The following CEP350 variants were observed in gnomAD, a reference collection of about 807,000 sequenced individuals.
CEP350 encodes centrosome-associated protein 350.
CEP350 carries 126 observed loss-of-function variants against 331.8 expected under a neutral mutation model. That is an observed-to-expected ratio of 0.38 (90% CI 0.33 to 0.44). The LOEUF is 0.44. CEP350 is among the 20% of genes least tolerant of loss of function. The pLI, the probability that CEP350 is intolerant of heterozygous loss-of-function variation, is 1.00. For synonymous variants in CEP350, 1,200 were observed against 1,259.5 expected (o/e 0.95, Z 1.00); for missense variants, 3,406 against 3,634.6 (o/e 0.94, Z 1.62).
Position 180,094,326 on chromosome 1 carries a change from G to A in CEP350, c.8221G>A (p.Glu2741Lys). Residue 2741 changes from glutamate to lysine, a missense_variant, in exon 34 of 38, where the codon GAA becomes AAA. By Grantham distance (56) the Glu-to-Lys change is moderately conservative. Coordinates refer to ENST00000367607, the MANE Select transcript of CEP350 (RefSeq NM_014810.5). ...CCAGCTGAAGTCATCACTAAATGAG[G>A]AAAAAAAGTCAAAACAACAACTGGA... is the stretch of plus-strand genomic sequence containing the variant. ...EAQLKSSLNEEKKSKQQLEKI... is the reference protein window; with the variant it reads ...EAQLKSSLNEKKKSKQQLEKI... The A allele has an allele frequency of 1.9e-6, 3 of 1,613,758 alleles. No individual in the cohort carries two copies. Among genetic ancestry groups the A allele is most frequent in the Non-Finnish European group, 2.5e-6 (3 of 1,179,802 alleles).
At chr1:180,004,630 G>C (rs1435415539) in intron 7 of CEP350, among the ~76,000 whole-genome samples, 1 of 152,104 alleles carries the variant, frequency 6.6e-6, no homozygotes, top group Non-Finnish European at 1.5e-5. Flanking sequence ...ATAGGTGTTT[G>C]TCCCTATTTA....
Position 180,093,572 on chromosome 1 carries a change from T to C in CEP350, c.7467T>C (p.Pro2489=), listed in dbSNP as rs939619088. The part of the protein sequence containing the change: ...VTESPSLASV[P]TADELFDFHI... ...AATCCCCTTCCTTGGCTTCAGTTCC[T>C]ACTGCAGACGAGTTATTTGATTTCC... Residue 2489 remains proline (P), a synonymous_variant, in exon 34 of 38, where the codon CCT becomes CCC. Transcript: ENST00000367607. 5.6e-6 allele frequency: 9 copies of C among 1,614,006 alleles called. No homozygotes were observed. Among genetic ancestry groups the C allele is most frequent in the Middle Eastern group, 1.6e-4 (1 of 6,062 alleles).
At position 180,020,042 on chromosome 1, in the gene CEP350, A is replaced by G; in HGVS notation, c.2268A>G (p.Gly756=). 6 of 1,614,020 alleles carry G rather than the reference A, an allele frequency of 3.7e-6. No individual in the cohort carries two copies. Among genetic ancestry groups the G allele is most frequent in the Non-Finnish European group, 5.1e-6 (6 of 1,179,888 alleles). Residue 756 remains glycine, a synonymous_variant, in exon 12 of 38, where the codon GGA becomes GGG. Coordinates refer to ENST00000367607, the MANE Select transcript of CEP350 (RefSeq NM_014810.5). ...SQPQPFAGTA[G]SLLSHLLSLE... is the part of the protein sequence containing the mutation. ...CACAGCCTTTTGCTGGAACAGCTGG[A>G]AGTTTACTCTCCCATCTCTTGAGTT...
At chr1:180,081,972 C>T (rs1029131197) in intron 30 of CEP350, among the ~76,000 whole-genome samples, 5 of 152,064 alleles carry the variant, frequency 3.3e-5, no homozygotes, top group Non-Finnish European at 7.4e-5. Flanking sequence ...CTTTTATGTA[C>T]GTTGGTGAAA....
At chr1:180,063,305 C>G (rs1013317644) in intron 26 of CEP350, among the ~76,000 whole-genome samples, 9 of 150,676 alleles carry the variant, frequency 6.0e-5, no homozygotes, top group African/African-American at 2.2e-4. Flanking sequence ...AATCCTCTCA[C>G]CTCAGCCTCC....
chr1:179,990,422 A>G (rs1652972020), intron 3 of CEP350, 85 bp from the exon 4 acceptor site: 6 of 604,640 alleles, frequency 9.9e-6, no homozygotes, highest in Non-Finnish European at 1.7e-5. Context: ...ATTGGGCAAT[A>G]TACTTTTAAA....
intron 30 of CEP350, among the ~76,000 whole-genome samples, chr1:180,081,242 T>G (rs1659548874): frequency 6.6e-6 from 1 of 152,184 alleles, no homozygotes; most frequent in Non-Finnish European, 1.5e-5. Flanking sequence ...AAATTGTTAT[T>G]CTTTGGGTTT....
chr1:180,051,790 A>G (rs1657518166), intron 22 of CEP350, among the ~76,000 whole-genome samples: 1 of 152,234 alleles, frequency 6.6e-6, no homozygotes, highest in Non-Finnish European at 1.5e-5. Context: ...AGTGGAAACT[A>G]TTAATATAAG....
At chr1:180,019,609 G>T (rs2148829531) in intron 11 of CEP350, among the ~76,000 whole-genome samples, 1 of 152,158 alleles carries the variant, frequency 6.6e-6, no homozygotes, top group East Asian at 1.9e-4. Context: ...GAATTTTAAA[G>T]ATCTTATTGC....
At chr1:180,070,062 A>C (rs1424493455) in intron 27 of CEP350, among the ~76,000 whole-genome samples, 3 of 152,186 alleles carry the variant, frequency 2.0e-5, no homozygotes, top group Admixed American at 2.0e-4. Flanking sequence ...AATTAGATGA[A>C]TGTTTTGGAA....
rs74132539 is a variant in CEP350, at chr1:180,083,737, C to T, written c.6125-281C>T. Among the ~76,000 whole-genome samples, 1,322 of 152,046 alleles carry T rather than the reference C, an allele frequency of 8.7e-3. 16 individuals carry two copies. The highest frequency in any genetic ancestry group is 0.03 in the African/African-American group (1,245 of 41,448). On this transcript the variant is annotated intron_variant, in intron 30 of 37. Transcript: ENST00000367607. ...CCAGCTGCATGTCTTACCAAGACAG[C>T]GTATCTCAAGATTTATTTATAATTT...
At chr1:180,052,825 T>A (rs1381021344) in intron 22 of CEP350, 145 bp from the exon 23 acceptor site, 2 of 417,626 alleles carry the variant, frequency 4.8e-6, no homozygotes, top group African/African-American at 4.1e-5. Context: ...CAAATGAATT[T>A]TGTTTATTAT....
At chr1:180,017,847 A>G (rs1655070375) in intron 11 of CEP350, among the ~76,000 whole-genome samples, 1 of 152,242 alleles carries the variant, frequency 6.6e-6, no homozygotes, top group South Asian at 2.1e-4. Context: ...ATCCAGCTTA[A>G]CAAACACTTT....
chr1:180,053,537 T>C (rs1418476048), intron 23 of CEP350, among the ~76,000 whole-genome samples: 1 of 152,228 alleles, frequency 6.6e-6, no homozygotes, highest in African/African-American at 2.4e-5. Flanking sequence ...GGACAGTAAT[T>C]GGCTTGCAGT....
At chr1:180,065,937 G>A (rs150283166) in intron 27 of CEP350, among the ~76,000 whole-genome samples, 353 of 151,894 alleles carry the variant, frequency 2.3e-3, no homozygotes, top group Non-Finnish European at 3.9e-3. Context: ...ATATCCTGAC[G>A]TTTCATCCTG....
intron 8 of CEP350, among the ~76,000 whole-genome samples, chr1:180,007,660 T>C (rs929982516): frequency 3.3e-5 from 5 of 152,198 alleles, no homozygotes; most frequent in African/African-American, 1.2e-4. Flanking sequence ...TTTGGTGTTT[T>C]AGTCATGAAG....
At chr1:179,984,180 T>C (rs766732434) in intron 1 of CEP350, among the ~76,000 whole-genome samples, 16 of 152,220 alleles carry the variant, frequency 1.1e-4, no homozygotes, top group South Asian at 2.1e-4. Context: ...TTATTTGTAA[T>C]AGAGAAAATG....
chr1:180,041,266 A>G lies in CEP350; in HGVS notation c.4221+18A>G. The G allele has an allele frequency of 6.5e-7, 1 of 1,531,532 alleles. No individual in the cohort carries two copies. Among genetic ancestry groups the G allele is most frequent in the Non-Finnish European group, 8.8e-7 (1 of 1,137,158 alleles). The allele number at this position is 1,531,532 out of a possible 1,614,324, so 94.9% of individuals were successfully genotyped here. A position where few individuals can be genotyped will look rare whatever the true frequency, so the allele number is the denominator to read the frequency against. Reference sequence around the variant, plus strand: ...CAGCTCAGGTAACTTATTTTGCAGCAGGTTCTTGTTTTTTAAACCTAAATT... The same window carrying G: ...CAGCTCAGGTAACTTATTTTGCAGCGGGTTCTTGTTTTTTAAACCTAAATT... On this transcript the variant is annotated intron_variant, in intron 18 of 37. Coordinates refer to ENST00000367607, the MANE Select transcript of CEP350 (RefSeq NM_014810.5).
At chr1:180,098,311 A>T (rs1160288562) in intron 36 of CEP350, among the ~76,000 whole-genome samples, 1 of 143,048 alleles carries the variant, frequency 7.0e-6, no homozygotes, top group Non-Finnish European at 1.5e-5. Context: ...TTCTTTGCAG[A>T]TTAATCAGTG....
Sources: gnomAD v4.1 joint callset for allele counts (sites outside exome capture counted in the v4.1 genomes callset) on GRCh38, gnomAD v4.1.1 for gene constraint, MANE v1.5 for transcripts, NCBI Gene and HGNC (gene_info 2026-07-23, HGNC 2026-07-21) for gene names.